Variants in AUTS2 observed in about 807,000 individuals in gnomAD.
AUTS2 encodes the protein activator of transcription and developmental regulator AUTS2.
AUTS2 carries 17 observed loss-of-function variants against 112.4 expected under a neutral mutation model. The observed-to-expected ratio is 0.15, with a 90% CI of 0.10 to 0.23. The LOEUF (loss-of-function observed/expected upper bound fraction) is 0.23. Ranked by LOEUF, AUTS2 falls within the 10% of genes least tolerant of loss-of-function variation. The pLI is 1.00. For synonymous variants in AUTS2, 751 were observed against 702.7 expected, an observed-to-expected ratio of 1.07 and a Z score of -1.09; for missense variants, 1,510 against 1,701.6, an observed-to-expected ratio of 0.89 and a Z score of 1.98.
chr7:70,344,733 T>C (rs1791417918), intron 4 of AUTS2, among the ~76,000 whole-genome samples: 1 of 152,196 alleles, frequency 6.6e-6, no homozygotes, highest in Non-Finnish European at 1.5e-5. Context: ...CACCCCATCC[T>C]GCAAAACCAT....
At chr7:70,417,570 G>A (rs550496246) in intron 4 of AUTS2, among the ~76,000 whole-genome samples, 4 of 152,318 alleles carry the variant, frequency 2.6e-5, no homozygotes, top group African/African-American at 9.6e-5. Flanking sequence ...CTTGCAAACC[G>A]TTACTTACAT....
intron 4 of AUTS2, among the ~76,000 whole-genome samples, chr7:70,277,795 T>C (rs1228733545): frequency 6.6e-6 from 1 of 152,176 alleles, no homozygotes; most frequent in African/African-American, 2.4e-5. Context: ...ATGTAAATGA[T>C]AGGGCAAAAT....
chr7:70,625,076 C>T (rs995965316), intron 5 of AUTS2, among the ~76,000 whole-genome samples: 2 of 152,080 alleles, frequency 1.3e-5, no homozygotes, highest in African/African-American at 4.8e-5. Flanking sequence ...TGGTCCTTGG[C>T]TTATAATCAT....
At chr7:70,604,472 G>C (rs1221568659) in intron 5 of AUTS2, among the ~76,000 whole-genome samples, 1 of 152,226 alleles carries the variant, frequency 6.6e-6, no homozygotes, top group Non-Finnish European at 1.5e-5. Flanking sequence ...TTTGCGTTCA[G>C]CATGCCCAAT....
chr7:69,838,357 T>C (rs1791818776), intron 1 of AUTS2, among the ~76,000 whole-genome samples: 1 of 152,196 alleles, frequency 6.6e-6, no homozygotes, highest in Non-Finnish European at 1.5e-5. Context: ...AGCCAGACAC[T>C]GTTCAGAGTG....
intron 2 of AUTS2, among the ~76,000 whole-genome samples, chr7:69,906,825 G>A (rs1795167259): frequency 6.6e-6 from 1 of 152,144 alleles, no homozygotes; most frequent in South Asian, 2.1e-4. Context: ...ACAGTTATTG[G>A]TATGGGTGCT....
At chr7:70,005,550 G>C (rs1295834606) in intron 2 of AUTS2, among the ~76,000 whole-genome samples, 1 of 152,132 alleles carries the variant, frequency 6.6e-6, no homozygotes, top group African/African-American at 2.4e-5. Flanking sequence ...TTACCATCTA[G>C]GGGGCTGTTA....
At chr7:70,295,330 A>G (rs1788883555) in intron 4 of AUTS2, among the ~76,000 whole-genome samples, 1 of 152,172 alleles carries the variant, frequency 6.6e-6, no homozygotes, top group Non-Finnish European at 1.5e-5. Context: ...GGCTGTATCA[A>G]TCTGTTACAC....
At chr7:70,768,905 A>G (rs1369629350) in intron 10 of AUTS2, among the ~76,000 whole-genome samples, 1 of 134,942 alleles carries the variant, frequency 7.4e-6, no homozygotes, top group Non-Finnish European at 1.6e-5. Context: ...ATGAAACCAG[A>G]AAAAAGAGAA....
intron 1 of AUTS2, among the ~76,000 whole-genome samples, chr7:69,833,837 A>G (rs919208835): frequency 6.6e-6 from 1 of 152,208 alleles, no homozygotes; most frequent in Non-Finnish European, 1.5e-5. Context: ...ACATTCTACA[A>G]CAATTATGCT....
chr7:70,167,104 T>C (rs1010520038), intron 4 of AUTS2, among the ~76,000 whole-genome samples: 3 of 152,120 alleles, frequency 2.0e-5, no homozygotes, highest in Non-Finnish European at 2.9e-5. Context: ...CTCATGCCTG[T>C]AATCCCAGCT....
At chr7:69,822,995 G>A (rs776371747) in intron 1 of AUTS2, among the ~76,000 whole-genome samples, 1 of 152,206 alleles carries the variant, frequency 6.6e-6, no homozygotes, top group Non-Finnish European at 1.5e-5. Flanking sequence ...GAGAAGGTGA[G>A]AGAAAGTGTC....
chr7:70,049,425 G>C (rs1801649739), intron 2 of AUTS2, among the ~76,000 whole-genome samples: 1 of 151,814 alleles, frequency 6.6e-6, no homozygotes, highest in South Asian at 2.1e-4. Context: ...CACTTCCCAG[G>C]TTCAAGTGAT....
chr7:69,626,655 C>G (rs1271122255), intron 1 of AUTS2, among the ~76,000 whole-genome samples: 2 of 152,174 alleles, frequency 1.3e-5, no homozygotes, highest in African/African-American at 4.8e-5. Context: ...AGTGAACAAG[C>G]TGAAAGAGAA....
rs942659916 is a variant in AUTS2, at chr7:70,766,507, C to G, written c.1689+173C>G. ...GCCCTGCCTCAGGCAGCTCTGACTT[C>G]AGGGGCCTAAAGTAGGAACTTCTTT... On this transcript the variant is annotated intron_variant, in intron 9 of 18. Coordinates refer to ENST00000342771, the MANE Select transcript of AUTS2 (RefSeq NM_015570.4). The surrounding 1 kb of genome is among the most constrained non-coding windows in gnomAD (Gnocchi z 4.8). Among the ~76,000 whole-genome samples, 2 of 152,208 alleles carry G rather than the reference C, an allele frequency of 1.3e-5. No individual in the cohort carries two copies. The highest frequency in any genetic ancestry group is 2.4e-5 in the African/African-American group (1 of 41,448).
rs891204083 is a variant in AUTS2, at chr7:70,260,433, G to A, written c.660+125862G>A. On this transcript the variant is annotated intron_variant, in intron 4 of 18. Transcript: ENST00000342771. ...ATTTATTTCTGCAGTTATGGAGGCT[G>A]AAAAGTCTAAGGTAGAGGGGCTGGG... Among the ~76,000 whole-genome samples the A allele has an allele frequency of 2.0e-5, 3 of 151,914 alleles. No individual in the cohort carries two copies. The East Asian group carries it at 5.8e-4, about 29-fold the overall frequency.
At chr7:70,121,676 A>G (rs1397609272) in intron 3 of AUTS2, among the ~76,000 whole-genome samples, 1 of 152,186 alleles carries the variant, frequency 6.6e-6, no homozygotes, top group Non-Finnish European at 1.5e-5. Flanking sequence ...AGAATGAAAA[A>G]TAAGAAGTGT....
intron 5 of AUTS2, among the ~76,000 whole-genome samples, chr7:70,531,817 G>A (rs566426821): frequency 2.0e-4 from 30 of 152,214 alleles, no homozygotes; most frequent in African/African-American, 7.2e-4. Flanking sequence ...GAGGGTGTCA[G>A]TTAGCTTTTG....
chr7:69,676,727 C>T (rs1255203439), intron 1 of AUTS2, among the ~76,000 whole-genome samples: 1 of 152,054 alleles, frequency 6.6e-6, no homozygotes, highest in Non-Finnish European at 1.5e-5. Flanking sequence ...GGAAATCTTA[C>T]TTCTCTTTTT....
Sources: allele counts gnomAD v4.1 joint callset (sites outside exome capture counted in the v4.1 genomes callset), GRCh38; gene constraint gnomAD v4.1.1; non-coding constraint Gnocchi (gnomAD v3.1); transcripts MANE v1.5; gene names NCBI Gene and HGNC (gene_info 2026-07-23, HGNC 2026-07-21).